The following C5orf22 variants were observed in gnomAD, a reference collection of about 807,000 sequenced individuals.
C5orf22 encodes chromosome 5 open reading frame 22.
A neutral mutation model predicts 48.7 loss-of-function variants in C5orf22; 36 were observed. The ratio of observed to expected loss-of-function variants is 0.74; its 90% confidence interval spans 0.57 to 0.98. The LOEUF is 0.98. Ranked by LOEUF, C5orf22 falls within the 50% of genes least tolerant of loss-of-function variation. C5orf22 has a pLI of 0.00. For synonymous variants in C5orf22, 141 were observed against 180.8 expected, an observed-to-expected ratio of 0.78 and a Z score of 1.76; for missense variants, 486 against 521.9, an observed-to-expected ratio of 0.93 and a Z score of 0.67.
Position 31,532,459 on chromosome 5 carries a change from G to A in C5orf22, c.67G>A (p.Glu23Lys). 1.9e-6 allele frequency: 3 copies of A among 1,613,888 alleles called. No homozygotes were observed. The highest frequency in any genetic ancestry group is 2.5e-6 in the Non-Finnish European group (3 of 1,179,872). Reference protein sequence around the residue: ...RYPKLPVWVVEDHQEVLPFIY... With the variant: ...RYPKLPVWVVKDHQEVLPFIY... ...CCCCAAGCTCCCAGTGTGGGTGGTG[G>A]AGGATCATCAGGAGGTGAGCGGACG... is the stretch of plus-strand genomic sequence containing the variant. Residue 23 changes from glutamate (E) to lysine (K), a missense_variant, in exon 1 of 9, where the codon GAG becomes AAG. Physicochemically the swap from Glu to Lys is moderately conservative, Grantham distance 56. Transcript: ENST00000325366.
chr5:31,536,269 C>G (rs556454930), intron 3 of C5orf22, among the ~76,000 whole-genome samples: 1 of 152,256 alleles, frequency 6.6e-6, no homozygotes, highest in Admixed American at 6.5e-5. Flanking sequence ...GCCTGTAATC[C>G]CAGCACTTTG....
intron 3 of C5orf22, 48 bp from the exon 4 acceptor site, chr5:31,538,212 A>T: frequency 7.2e-7 from 1 of 1,380,412 alleles, no homozygotes; most frequent in Non-Finnish European, 9.9e-7. Context: ...GTGAAATGTC[A>T]ACTGATTTGC....
chr5:31,541,967 C>T (rs1196021301), intron 6 of C5orf22, among the ~76,000 whole-genome samples: 1 of 151,836 alleles, frequency 6.6e-6, no homozygotes, highest in Non-Finnish European at 1.5e-5. Context: ...AGTAAATTGC[C>T]CCAAGTCACA....
At chr5:31,542,546 T>C (rs184135450) in intron 6 of C5orf22, among the ~76,000 whole-genome samples, 1 of 151,720 alleles carries the variant, frequency 6.6e-6, no homozygotes, top group African/African-American at 2.4e-5. Context: ...TCTCTTGACG[T>C]GAAGGAGCAG....
At chr5:31,539,063 G>A (rs61619407) in intron 4 of C5orf22, among the ~76,000 whole-genome samples, 1 of 151,986 alleles carries the variant, frequency 6.6e-6, no homozygotes, top group African/African-American at 2.4e-5. Flanking sequence ...GATTTAACCA[G>A]CCACAGATAG....
chr5:31,550,379 T>G (rs1224360667), intron 7 of C5orf22, among the ~76,000 whole-genome samples: 2 of 152,108 alleles, frequency 1.3e-5, no homozygotes, highest in African/African-American at 4.8e-5. Context: ...TTAAAACACA[T>G]AGGTAGATAG....
intron 7 of C5orf22, among the ~76,000 whole-genome samples, chr5:31,549,134 G>C (rs184057842): frequency 6.6e-6 from 1 of 152,146 alleles, no homozygotes; most frequent in Non-Finnish European, 1.5e-5. Context: ...CAAGAGAATC[G>C]CTTGAACCCA....
chr5:31,545,046 T>C (rs1262925930), intron 6 of C5orf22, among the ~76,000 whole-genome samples: 2 of 151,756 alleles, frequency 1.3e-5, no homozygotes, highest in Admixed American at 6.6e-5. Context: ...CACTTAGTTT[T>C]CTTGCTAATC....
chr5:31,534,434 T>C lies in C5orf22; in HGVS notation c.227+17T>C, dbSNP rs551664112. Reference sequence around the variant, plus strand: ...ACTCTTTGGGTAATATGTGATTTTATTTATGGTCTTTTGTGTTTGAAGTAC... The same window carrying C: ...ACTCTTTGGGTAATATGTGATTTTACTTATGGTCTTTTGTGTTTGAAGTAC... On this transcript the variant is annotated intron_variant, in intron 2 of 8. Transcript: ENST00000325366. 28 of 1,594,160 alleles carry C rather than the reference T, an allele frequency of 1.8e-5. No individual in the cohort carries two copies. The highest frequency in any genetic ancestry group is 2.3e-5 in the Non-Finnish European group (27 of 1,171,606).
chr5:31,544,400 G>A (rs918512386), intron 6 of C5orf22, among the ~76,000 whole-genome samples: 4 of 152,176 alleles, frequency 2.6e-5, no homozygotes, highest in East Asian at 1.9e-4. Context: ...TGGCTAACAC[G>A]GTGAAACCCC....
chr5:31,532,310 G>C lies in C5orf22; in HGVS notation c.-83G>C. The C allele has an allele frequency of 7.0e-7, 1 of 1,426,348 alleles. No individual in the cohort carries two copies. The highest frequency in any genetic ancestry group is 1.7e-5 in the Admixed American group (1 of 59,406). The allele number at this position is 1,426,348 out of a possible 1,614,324, so 88.4% of individuals were successfully genotyped here. A position where few individuals can be genotyped will look rare whatever the true frequency, so the allele number is the denominator to read the frequency against. On this transcript the variant is annotated 5_prime_UTR_variant, in exon 1 of 9. Transcript: ENST00000325366. The stretch of plus-strand genomic sequence containing the variant: ...GTGAGGGAGCGCTTCCGCCCGGAGA[G>C]AGCTGGCCGGGATGAGGCGCCGGCT...
intron 8 of C5orf22, 74 bp from the exon 9 acceptor site, chr5:31,552,699 C>A: frequency 7.6e-7 from 1 of 1,311,182 alleles, no homozygotes; most frequent in South Asian, 1.3e-5. Context: ...TTGAAATGAA[C>A]ACATGCAGCT....
chr5:31,545,840 A>C lies in C5orf22; in HGVS notation c.1059+128A>C, dbSNP rs1016588678. ...CCTGTGAAGTCTGAAACAATTATTA[A>C]GAAAAGAAATGAGTGAAAAAAATAC... On this transcript the variant is annotated intron_variant, in intron 7 of 8. Coordinates refer to ENST00000325366, the MANE Select transcript of C5orf22 (RefSeq NM_018356.3). The C allele has an allele frequency of 5.1e-6, 3 of 593,224 alleles. No homozygotes were observed. In the African/African-American group the frequency reaches 5.8e-5, roughly 11 times the overall value. The allele number at this position is 593,224 out of a possible 1,614,324, so 36.7% of individuals were successfully genotyped here. A position where few individuals can be genotyped will look rare whatever the true frequency, so the allele number is the denominator to read the frequency against.
chr5:31,543,786 G>A, intron 6 of C5orf22, among the ~76,000 whole-genome samples: 1 of 152,042 alleles, frequency 6.6e-6, no homozygotes, highest in East Asian at 1.9e-4. Context: ...AATAGGCCTG[G>A]AAACCTTGGA....
intron 8 of C5orf22, among the ~76,000 whole-genome samples, chr5:31,551,911 C>G (rs1012488098): frequency 2.0e-5 from 3 of 152,132 alleles, no homozygotes; most frequent in Admixed American, 6.5e-5. Flanking sequence ...GGTAAATAAC[C>G]TGGTCACTAG....
At chr5:31,547,682 C>T (rs1190946725) in intron 7 of C5orf22, among the ~76,000 whole-genome samples, 1 of 152,228 alleles carries the variant, frequency 6.6e-6, no homozygotes, top group African/African-American at 2.4e-5. Flanking sequence ...TCTATGTTGG[C>T]CCCTTTTAGC....
intron 7 of C5orf22, among the ~76,000 whole-genome samples, chr5:31,547,818 A>C (rs566090355): frequency 6.6e-6 from 1 of 152,330 alleles, no homozygotes; most frequent in African/African-American, 2.4e-5. Context: ...GGGAGGGGCT[A>C]CCGCAAAGGT....
chr5:31,546,417 T>A (rs1051367936), intron 7 of C5orf22, among the ~76,000 whole-genome samples: 5 of 152,210 alleles, frequency 3.3e-5, no homozygotes, highest in African/African-American at 1.2e-4. Flanking sequence ...CATATTTTAT[T>A]TACTTATGGA....
At chr5:31,543,904 T>C (rs993563722) in intron 6 of C5orf22, among the ~76,000 whole-genome samples, 1 of 152,056 alleles carries the variant, frequency 6.6e-6, no homozygotes, top group Non-Finnish European at 1.5e-5. Context: ...CTTGAAAATA[T>C]GATGAGACTG....
Sources: allele counts gnomAD v4.1 joint callset (sites outside exome capture counted in the v4.1 genomes callset), GRCh38; gene constraint gnomAD v4.1.1; transcripts MANE v1.5; gene names NCBI Gene and HGNC (gene_info 2026-07-23, HGNC 2026-07-21).